Variants in AFF3 observed in about 807,000 individuals in gnomAD.
AFF3 encodes the protein AF4/FMR2 family member 3.
AFF3 carries 32 observed loss-of-function variants against 129.7 expected under a neutral mutation model. That is an observed-to-expected ratio of 0.25 (90% CI 0.19 to 0.33). AFF3 has a LOEUF of 0.33. Among genes scored for constraint, AFF3 ranks in the 10% least tolerant of loss-of-function variants. The pLI is 1.00. For synonymous variants in AFF3, 644 were observed against 635.4 expected (o/e 1.01, Z -0.20); for missense variants, 1,373 against 1,592.0 (o/e 0.86, Z 2.34).
At chr2:99,583,572 T>C (rs907433090) in intron 16 of AFF3, among the ~76,000 whole-genome samples, 1 of 152,142 alleles carries the variant, frequency 6.6e-6, no homozygotes, top group African/African-American at 2.4e-5. Context: ...TTTGTAGAGA[T>C]AGGGTTTCAC....
At chr2:99,869,087 G>A (rs1309290531) in intron 7 of AFF3, among the ~76,000 whole-genome samples, 2 of 151,980 alleles carry the variant, frequency 1.3e-5, no homozygotes, top group South Asian at 2.1e-4. Flanking sequence ...GTGAGCCACC[G>A]TGCCCAGCAA....
At chr2:99,785,084 C>T (rs1267766998) in intron 8 of AFF3, among the ~76,000 whole-genome samples, 1 of 152,144 alleles carries the variant, frequency 6.6e-6, no homozygotes, top group African/African-American at 2.4e-5. Flanking sequence ...TCATTTATAT[C>T]CCTGCTTGTG....
At chr2:99,632,411 T>C (rs368707115) in intron 13 of AFF3, among the ~76,000 whole-genome samples, 55 of 152,096 alleles carry the variant, frequency 3.6e-4, no homozygotes, top group African/African-American at 1.3e-3. Context: ...CTCACTGTGG[T>C]TTAAACCAGG....
chr2:99,846,742 G>A (rs112212880), intron 7 of AFF3, among the ~76,000 whole-genome samples: 1 of 152,308 alleles, frequency 6.6e-6, no homozygotes, highest in Middle Eastern at 3.4e-3. Context: ...CGTATTTGAC[G>A]ATATTCTATT....
intron 4 of AFF3, among the ~76,000 whole-genome samples, chr2:100,064,650 ATCTC>A (rs1553516271): frequency 6.6e-6 from 1 of 152,216 alleles, no homozygotes; most frequent in Non-Finnish European, 1.5e-5. Context: ...AACCAAGTCT[ATCTC>A]TCACCATTTG....
chr2:99,693,675 A>T lies in AFF3; in HGVS notation c.1092-21086T>A, dbSNP rs540200713. On this transcript the variant is annotated intron_variant, in intron 11 of 24. Coordinates refer to ENST00000672756, the MANE Select transcript of AFF3 (RefSeq NM_001386135.1). ...TCCCAGGCATGATTCTTTTTATCCA[A>T]TGATTCTAATACTTTTTCTATCTTT... 2.6e-5 allele frequency among the ~76,000 whole-genome samples: 4 copies of T among 152,268 alleles called. No individual in the cohort carries two copies. The East Asian group carries it at 5.8e-4, about 22-fold the overall frequency.
At chr2:99,734,797 C>T (rs1394665190) in intron 10 of AFF3, among the ~76,000 whole-genome samples, 2 of 152,034 alleles carry the variant, frequency 1.3e-5, no homozygotes, top group Non-Finnish European at 2.9e-5. Flanking sequence ...AGAATTTTTA[C>T]ATTTATGATC....
intron 8 of AFF3, among the ~76,000 whole-genome samples, chr2:99,819,690 C>T (rs1687499250): frequency 2.0e-5 from 3 of 152,340 alleles, no homozygotes; most frequent in African/African-American, 7.2e-5. Context: ...AATGTACACT[C>T]TACTGACATC....
intron 7 of AFF3, among the ~76,000 whole-genome samples, chr2:99,849,843 T>C (rs532514368): frequency 1.9e-4 from 29 of 152,302 alleles, no homozygotes; most frequent in Non-Finnish European, 3.2e-4. Context: ...GTTGCTCATA[T>C]AGCTGGACGG....
chr2:99,682,326 G>A (rs542492247), intron 11 of AFF3, among the ~76,000 whole-genome samples: 1 of 152,248 alleles, frequency 6.6e-6, no homozygotes, highest in South Asian at 2.1e-4. Flanking sequence ...CATTATGTTG[G>A]AATTTTCTAA....
chr2:99,686,000 AAC>A (rs1458779372), intron 11 of AFF3, among the ~76,000 whole-genome samples: 1 of 152,082 alleles, frequency 6.6e-6, no homozygotes, highest in Non-Finnish European at 1.5e-5. Flanking sequence ...CATCCTGGCT[AAC>A]ACAGTGAAAC....
intron 7 of AFF3, among the ~76,000 whole-genome samples, chr2:99,929,814 G>A (rs192431165): frequency 3.3e-5 from 5 of 152,122 alleles, no homozygotes; most frequent in Admixed American, 3.3e-4. Context: ...AGGCTAGAAT[G>A]CCAACAAATA....
chr2:99,802,169 A>C (rs1227131014), intron 8 of AFF3, among the ~76,000 whole-genome samples: 1 of 152,220 alleles, frequency 6.6e-6, no homozygotes, highest in Non-Finnish European at 1.5e-5. Flanking sequence ...ATTTTAACTA[A>C]AAACACAATT....
At chr2:100,057,715 T>G (rs1332471017) in intron 4 of AFF3, among the ~76,000 whole-genome samples, 1 of 152,164 alleles carries the variant, frequency 6.6e-6, no homozygotes, top group African/African-American at 2.4e-5. Context: ...GTAAAGTCTT[T>G]CTCATCTTGA....
chr2:99,738,215 T>C (rs1392915913), intron 10 of AFF3, among the ~76,000 whole-genome samples: 1 of 152,146 alleles, frequency 6.6e-6, no homozygotes, highest in Non-Finnish European at 1.5e-5. Context: ...TTTCCCTTAG[T>C]GCTCTATTTC....
intron 8 of AFF3, among the ~76,000 whole-genome samples, chr2:99,834,619 G>A (rs1688732594): frequency 6.6e-6 from 1 of 152,138 alleles, no homozygotes; most frequent in South Asian, 2.1e-4. Context: ...CACCAGCAAC[G>A]TTTCTGTGGT....
chr2:99,658,360 T>C (rs897244192), intron 12 of AFF3, among the ~76,000 whole-genome samples: 1 of 151,972 alleles, frequency 6.6e-6, no homozygotes, highest in African/African-American at 2.4e-5. Flanking sequence ...GGGAGGATGA[T>C]GGCAAGAAGA....
chr2:99,929,399 T>A (rs879620516), intron 7 of AFF3, among the ~76,000 whole-genome samples: 1 of 152,210 alleles, frequency 6.6e-6, no homozygotes, highest in Admixed American at 6.5e-5. Flanking sequence ...ATTACGTTAC[T>A]TAATCAAAAT....
At chr2:99,690,252 C>T (rs1675493913) in intron 11 of AFF3, among the ~76,000 whole-genome samples, 1 of 149,262 alleles carries the variant, frequency 6.7e-6, no homozygotes, top group Non-Finnish European at 1.5e-5. Context: ...GCGATCTCGG[C>T]TCACTGCAAG....
Sources: allele counts gnomAD v4.1 joint callset (sites outside exome capture counted in the v4.1 genomes callset), GRCh38; gene constraint gnomAD v4.1.1; transcripts MANE v1.5; gene names NCBI Gene and HGNC (gene_info 2026-07-23, HGNC 2026-07-21).